VPS26A: variants seen among roughly 807,000 people sequenced by gnomAD.
The protein encoded by VPS26A is vacuolar protein sorting-associated protein 26A.
Under a neutral mutation model 42.4 loss-of-function variants are expected in VPS26A, and 22 were observed. The ratio of observed to expected loss-of-function variants is 0.52; its 90% CI spans 0.37 to 0.74. VPS26A has a LOEUF of 0.74. Ranked by LOEUF, VPS26A falls within the 30% of genes least tolerant of loss-of-function variation. VPS26A has a pLI of 0.00. For missense variants in VPS26A, 276 were observed against 379.2 expected (o/e 0.73, Z 2.26); for synonymous variants, 110 against 123.5 (o/e 0.89, Z 0.73).
At chr10:69,147,430 T>C (rs917576498) in intron 2 of VPS26A, among the ~76,000 whole-genome samples, 4 of 152,202 alleles carry the variant, frequency 2.6e-5, no homozygotes, top group African/African-American at 9.6e-5. Flanking sequence ...TTATCAATTT[T>C]TTTTTCTTTT....
At position 69,161,895 on chromosome 10, in the gene VPS26A, T is replaced by TTCC. The variant is rs1325893501; in HGVS notation, c.552-508_552-506dup. Reference sequence around the variant, plus strand: ...CCCTTATACCTCCAGCAGCAATGCCTTCCTCAGCCATGGTGGTGAGTGAAA... The same window carrying TTCC: ...CCCTTATACCTCCAGCAGCAATGCCTTCCTCCTCAGCCATGGTGGTGAGTGAAA... On this transcript the variant is annotated intron_variant, in intron 5 of 8. Transcript: ENST00000263559. 2.2e-5 allele frequency: 5 copies of TTCC among 223,946 alleles called. No homozygotes were observed. In the East Asian group the frequency reaches 5.2e-4, roughly 23 times the overall value. 13.9% of individuals were successfully genotyped at this position (223,946 alleles called of 1,614,324 possible).
intron 1 of VPS26A, 142 bp downstream of exon 1, chr10:69,124,422 C>T (rs1176524312): frequency 1.0e-6 from 1 of 976,786 alleles, no homozygotes; most frequent in South Asian, 5.2e-5. Flanking sequence ...TCGGGCCACC[C>T]CTGGGTCTGG....
intron 2 of VPS26A, among the ~76,000 whole-genome samples, chr10:69,152,196 A>G (rs1841328426): frequency 6.6e-6 from 1 of 152,132 alleles, no homozygotes. Flanking sequence ...GTGACACAGC[A>G]AGACCCTGTC....
chr10:69,160,432 A>C (rs1841531243), intron 5 of VPS26A, among the ~76,000 whole-genome samples: 1 of 150,466 alleles, frequency 6.6e-6, no homozygotes, highest in African/African-American at 2.4e-5. Context: ...TGCTGGGATT[A>C]TAGGCATGAG....
chr10:69,124,986 G>A (rs905378668), intron 1 of VPS26A, among the ~76,000 whole-genome samples: 2 of 152,186 alleles, frequency 1.3e-5, no homozygotes, highest in African/African-American at 4.8e-5. Context: ...GGAGGGAGGG[G>A]AATCAGTGCT....
intron 1 of VPS26A, among the ~76,000 whole-genome samples, chr10:69,128,348 C>T (rs1840705706): frequency 6.6e-6 from 1 of 151,396 alleles, no homozygotes; most frequent in South Asian, 2.1e-4. Context: ...TCTGCTGCCT[C>T]AGCCTCCCGC....
chr10:69,132,791 C>A, intron 1 of VPS26A, 107 bp from the exon 2 acceptor site: 2 of 1,129,724 alleles, frequency 1.8e-6, no homozygotes, highest in Non-Finnish European at 2.5e-6. Context: ...TATGAACTCA[C>A]AGATTTGCAG....
At chr10:69,134,680 T>C (rs1840863872) in intron 2 of VPS26A, among the ~76,000 whole-genome samples, 1 of 151,988 alleles carries the variant, frequency 6.6e-6, no homozygotes, top group Non-Finnish European at 1.5e-5. Context: ...TTTTTTTTTG[T>C]ACTGCATTGT....
chr10:69,133,261 A>G (rs191333943), intron 2 of VPS26A, among the ~76,000 whole-genome samples: 235 of 152,252 alleles, frequency 1.5e-3, no homozygotes, highest in African/African-American at 5.2e-3. Flanking sequence ...AAGAGCCTCT[A>G]AATTTCATGC....
At chr10:69,162,664 A>T (rs1841587493) in intron 6 of VPS26A, 152 bp downstream of exon 6, 2 of 487,394 alleles carry the variant, frequency 4.1e-6, no homozygotes, top group African/African-American at 2.1e-5. Context: ...ATGTTTTTTT[A>T]AATTACTTTT....
intron 1 of VPS26A, among the ~76,000 whole-genome samples, chr10:69,130,163 A>G (rs1840746913): frequency 6.6e-6 from 1 of 152,190 alleles, no homozygotes; most frequent in African/African-American, 2.4e-5. Context: ...TTAAAATGGT[A>G]TGTGTTTGTT....
At chr10:69,165,023 G>A (rs780645739) in intron 6 of VPS26A, among the ~76,000 whole-genome samples, 17 of 151,736 alleles carry the variant, frequency 1.1e-4, no homozygotes, top group Non-Finnish European at 1.2e-4. Flanking sequence ...TGCCTCCAGG[G>A]TTCAAGCAAT....
intron 6 of VPS26A, among the ~76,000 whole-genome samples, chr10:69,163,293 C>T (rs1841603810): frequency 6.6e-6 from 1 of 152,104 alleles, no homozygotes; most frequent in African/African-American, 2.4e-5. Flanking sequence ...ATTCTTCTGC[C>T]CTTTTTGTGG....
chr10:69,129,552 A>ATT (rs57072696), intron 1 of VPS26A, among the ~76,000 whole-genome samples: 8 of 147,194 alleles, frequency 5.4e-5, no homozygotes, highest in South Asian at 2.2e-4. Flanking sequence ...AGAAAAAAAA[A>ATT]TTTTTTTTTT....
intron 7 of VPS26A, among the ~76,000 whole-genome samples, chr10:69,167,361 T>C (rs116368961): frequency 0.012 from 1,843 of 150,956 alleles, 30 homozygotes; most frequent in African/African-American, 0.042. Context: ...GGAGGCAAGG[T>C]TGCATTGAGC....
chr10:69,125,135 C>T (rs998744803), intron 1 of VPS26A, among the ~76,000 whole-genome samples: 3 of 152,192 alleles, frequency 2.0e-5, no homozygotes, highest in African/African-American at 7.2e-5. Context: ...ACTGTATGCT[C>T]TCCTAATACT....
chr10:69,160,448 G>A (rs1329981700), intron 5 of VPS26A, among the ~76,000 whole-genome samples: 3 of 147,132 alleles, frequency 2.0e-5, no homozygotes, highest in Non-Finnish European at 4.5e-5. Flanking sequence ...ATGAGCCACC[G>A]CGCCCAACAT....
At position 69,174,305 on chromosome 10, in the gene VPS26A, C is replaced by G. The variant is rs933266471; in HGVS notation, c.*3036C>G. ...GAATTTGAAATTACACTGAGGTGATCATGCCACTGCACTGTAGCTTGGGTG... is the reference window on the plus strand; with the variant it reads ...GAATTTGAAATTACACTGAGGTGATGATGCCACTGCACTGTAGCTTGGGTG... On this transcript the variant is annotated 3_prime_UTR_variant, in exon 9 of 9. Transcript: ENST00000263559. Among the ~76,000 whole-genome samples the G allele has an allele frequency of 2.0e-5, 3 of 152,230 alleles. No individual in the cohort carries two copies. The highest frequency in any genetic ancestry group is 1.5e-5 in the Non-Finnish European group (1 of 68,044).
At chr10:69,162,137 A>G (rs988962124) in intron 5 of VPS26A, among the ~76,000 whole-genome samples, 1 of 151,940 alleles carries the variant, frequency 6.6e-6, no homozygotes, top group Non-Finnish European at 1.5e-5. Flanking sequence ...GATCACAAGC[A>G]TGTGCCACCA....
Sources: gnomAD v4.1 joint callset for allele counts (sites outside exome capture counted in the v4.1 genomes callset) on GRCh38, gnomAD v4.1.1 for gene constraint, MANE v1.5 for transcripts, NCBI Gene and HGNC (gene_info 2026-07-23, HGNC 2026-07-21) for gene names.